Variants in LOC122539214 observed in about 807,000 individuals in gnomAD.
the LOC122539214 span, among the ~76,000 whole-genome samples, chr19:52,660,120 ATGGTGGTAAGAAT>A: frequency 1.4e-5 from 1 of 69,960 alleles, no homozygotes; most frequent in African/African-American, 4.1e-5. Context: ...TGGTAAGACC[ATGGTGGTAAGAAT>A]CATGGTGGTA....
chr19:52,673,025 G>T, the LOC122539214 span, among the ~76,000 whole-genome samples: 5 of 152,094 alleles, frequency 3.3e-5, no homozygotes, highest in Non-Finnish European at 7.4e-5. Context: ...GCCAGGTGTG[G>T]TGGCTCAAAC....
the LOC122539214 span, among the ~76,000 whole-genome samples, chr19:52,662,808 G>A: frequency 6.6e-4 from 100 of 152,112 alleles, no homozygotes; most frequent in South Asian, 4.2e-4. Context: ...AAGGAGGTGC[G>A]GCTCATTCCT....
At chr19:52,666,879 T>A in the LOC122539214 span, among the ~76,000 whole-genome samples, 1 of 152,160 alleles carries the variant, frequency 6.6e-6, no homozygotes. Flanking sequence ...TAATGGGTAT[T>A]CAATAAGTGA....
chr19:52,662,756 A>G, the LOC122539214 span, among the ~76,000 whole-genome samples: 1 of 152,004 alleles, frequency 6.6e-6, no homozygotes, highest in Non-Finnish European at 1.5e-5. Context: ...AGAGTAGGAG[A>G]CATTTCACCA....
the LOC122539214 span, among the ~76,000 whole-genome samples, chr19:52,690,113 G>GC: frequency 6.6e-6 from 1 of 151,992 alleles, no homozygotes; most frequent in Non-Finnish European, 1.5e-5. Context: ...GGTGCCCACG[G>GC]CGGGAATCCA....
the LOC122539214 span, among the ~76,000 whole-genome samples, chr19:52,680,667 C>T: frequency 9.4e-4 from 109 of 116,490 alleles, no homozygotes; most frequent in Admixed American, 1.3e-3. Context: ...GGCTGGAGTG[C>T]AGTGGCGCGA....
chr19:52,666,282 G>A, the LOC122539214 span, among the ~76,000 whole-genome samples: 1 of 152,056 alleles, frequency 6.6e-6, no homozygotes, highest in Non-Finnish European at 1.5e-5. Flanking sequence ...AAGAGAGAGA[G>A]AGAGTAGTAG....
chr19:52,680,711 C>T, the LOC122539214 span, among the ~76,000 whole-genome samples: 1 of 137,338 alleles, frequency 7.3e-6, no homozygotes, highest in East Asian at 2.1e-4. Flanking sequence ...CTCCCGGGTT[C>T]ACGCCATTCT....
At chr19:52,663,041 T>TG in the LOC122539214 span, among the ~76,000 whole-genome samples, 18 of 152,046 alleles carry the variant, frequency 1.2e-4, no homozygotes, top group African/African-American at 4.4e-4. Context: ...TGTGCATCTG[T>TG]GGTCCCAGCT....
chr19:52,664,175 A>G, the LOC122539214 span, among the ~76,000 whole-genome samples: 4 of 133,838 alleles, frequency 3.0e-5, no homozygotes, highest in Non-Finnish European at 6.3e-5. Flanking sequence ...GAGCCACTGC[A>G]CCAGGCCTAT....
the LOC122539214 span, among the ~76,000 whole-genome samples, chr19:52,670,426 G>T: frequency 6.6e-6 from 1 of 152,128 alleles, no homozygotes; most frequent in Non-Finnish European, 1.5e-5. Context: ...GTTCAGGTAC[G>T]CACTCACCAT....
the LOC122539214 span, among the ~76,000 whole-genome samples, chr19:52,683,072 T>C: frequency 1.2e-5 from 1 of 80,188 alleles, no homozygotes; most frequent in African/African-American, 1.0e-4. Context: ...GGTTTCACCA[T>C]GTTGGCCAGC....
the LOC122539214 span, among the ~76,000 whole-genome samples, chr19:52,677,470 A>C: frequency 6.6e-6 from 1 of 152,070 alleles, no homozygotes; most frequent in Non-Finnish European, 1.5e-5. Context: ...TGGGTGACAG[A>C]GTGAGACTCT....
chr19:52,683,986 T>C, the LOC122539214 span, among the ~76,000 whole-genome samples: 6 of 152,090 alleles, frequency 3.9e-5, no homozygotes, highest in African/African-American at 1.4e-4. Context: ...GCAATTCCAG[T>C]ACACCGGGAG....
the LOC122539214 span, among the ~76,000 whole-genome samples, chr19:52,689,494 C>G: frequency 2.0e-5 from 3 of 152,112 alleles, no homozygotes; most frequent in African/African-American, 7.2e-5. Context: ...TCTGCCCTGG[C>G]TCCAAATCCC....
chr19:52,683,357 C>G, the LOC122539214 span, among the ~76,000 whole-genome samples: 2 of 152,070 alleles, frequency 1.3e-5, no homozygotes, highest in Non-Finnish European at 1.5e-5. Context: ...GGAGGTGGCC[C>G]TCGGGCTGCA....
At chr19:52,687,633 G>GTGTA in the LOC122539214 span, among the ~76,000 whole-genome samples, 52 of 27,838 alleles carry the variant, frequency 1.9e-3, 14 homozygotes, top group African/African-American at 8.0e-3. Flanking sequence ...TATATATAAT[G>GTGTA]TATATATATA....
At chr19:52,659,643 C>T in the LOC122539214 span, among the ~76,000 whole-genome samples, 1 of 144,312 alleles carries the variant, frequency 6.9e-6, no homozygotes, top group Non-Finnish European at 1.5e-5. Context: ...CCAGAAGTCA[C>T]AGAAGTGAGT....
the LOC122539214 span, among the ~76,000 whole-genome samples, chr19:52,680,495 G>A: frequency 6.6e-6 from 1 of 151,574 alleles, no homozygotes; most frequent in Non-Finnish European, 1.5e-5. Flanking sequence ...AATGAGAAAA[G>A]AGAAAATAAG....
Sources: allele counts gnomAD v4.1 joint callset (sites outside exome capture counted in the v4.1 genomes callset), GRCh38; gene constraint gnomAD v4.1.1; transcripts MANE v1.5.